TCF25: variants seen among roughly 807,000 people sequenced by gnomAD.
The protein encoded by TCF25 is ribosome quality control complex subunit TCF25.
A neutral mutation model predicts 83.1 loss-of-function variants in TCF25; 41 were observed. The ratio of observed to expected loss-of-function variants is 0.49; its 90% CI spans 0.38 to 0.64. TCF25 has a LOEUF of 0.64. TCF25 is among the 30% of genes least tolerant of loss of function. The pLI is 0.00. For missense variants in TCF25, 979 were observed against 914.5 expected (o/e 1.07, Z -0.91); for synonymous variants, 458 against 365.0 (o/e 1.25, Z -2.90).
At chr16:89,876,811 C>G (rs932267808) in intron 1 of TCF25, among the ~76,000 whole-genome samples, 49 of 152,098 alleles carry the variant, frequency 3.2e-4, no homozygotes, top group African/African-American at 1.2e-3. Flanking sequence ...AGCCTATAGT[C>G]CCAGCTACTC....
At chr16:89,909,869 AT>A (rs2144348421) in intron 16 of TCF25, 1 of 152,672 alleles carries the variant, frequency 6.5e-6, no homozygotes, top group African/African-American at 2.4e-5. Context: ...CAAAAGCCCC[AT>A]GGCCAGACCG....
Position 89,898,643 on chromosome 16 carries a change from T to C in TCF25, c.1109T>C (p.Ile370Thr). The change falls in exon 10 of 18, where the codon ATC (isoleucine) becomes ACC (threonine). Residue 370 changes from isoleucine (I) to threonine (T), a missense_variant. Physicochemically the swap from Ile to Thr is moderately conservative, Grantham distance 89. Transcript: ENST00000263346. ...ACGGCGCTGGAGTACTGCAAGCTCA[T>C]CCTGAGGTGAGTGTCTGCTCAGGGC... ...PRTALEYCKL[I>T]LSLEPDEDPL... 1.9e-6 allele frequency: 3 copies of C among 1,612,906 alleles called. No homozygotes were observed. The highest frequency in any genetic ancestry group is 2.5e-6 in the Non-Finnish European group (3 of 1,180,010).
chr16:89,876,951 A>AG, intron 1 of TCF25, among the ~76,000 whole-genome samples: 1 of 149,928 alleles, frequency 6.7e-6, no homozygotes, highest in Admixed American at 6.6e-5. Context: ...AAAAAAAAAA[A>AG]ATTGGCCAGG....
chr16:89,907,553 C>T (rs865904981), intron 16 of TCF25, among the ~76,000 whole-genome samples: 14 of 117,634 alleles, frequency 1.2e-4, no homozygotes, highest in African/African-American at 4.0e-4. Flanking sequence ...TCTCCCAGCT[C>T]CCAGCTGCCA....
chr16:89,878,487 T>TA, intron 1 of TCF25: 1 of 1,009,584 alleles, frequency 9.9e-7, no homozygotes. Flanking sequence ...CCTCTCCCCC[T>TA]AAAAAAAGAT....
chr16:89,875,678 A>G (rs2143887558), intron 1 of TCF25, among the ~76,000 whole-genome samples: 1 of 150,018 alleles, frequency 6.7e-6, no homozygotes, highest in East Asian at 2.0e-4. Context: ...GCCCGCCACC[A>G]CGCCTGGCTA....
intron 1 of TCF25, chr16:89,878,536 G>C (rs781045484): frequency 8.1e-7 from 1 of 1,232,640 alleles, no homozygotes; most frequent in East Asian, 6.0e-5. Flanking sequence ...TGCTGATCGA[G>C]CTTTATCCTA....
chr16:89,893,268 G>A (rs117905380), intron 6 of TCF25, among the ~76,000 whole-genome samples: 6 of 152,326 alleles, frequency 3.9e-5, no homozygotes, highest in South Asian at 2.1e-4. Flanking sequence ...GTGGTCACAC[G>A]TTACAAAGCT....
chr16:89,903,941 G>A (rs948886532), intron 12 of TCF25, among the ~76,000 whole-genome samples, 177 bp from the exon 13 acceptor site: 3 of 152,162 alleles, frequency 2.0e-5, no homozygotes, highest in Non-Finnish European at 2.9e-5. Context: ...CCCTGGGCAC[G>A]CCAGCAGCAG....
intron 12 of TCF25, among the ~76,000 whole-genome samples, chr16:89,903,451 G>T (rs761004697): frequency 2.6e-5 from 4 of 152,040 alleles, no homozygotes; most frequent in African/African-American, 4.8e-5. Context: ...CAGGAGGATC[G>T]CTTGAGCATA....
At chr16:89,885,729 G>A in intron 3 of TCF25, 119 bp from the exon 4 acceptor site, 1 of 833,068 alleles carries the variant, frequency 1.2e-6, no homozygotes, top group Non-Finnish European at 2.0e-6. Context: ...GACTTATGCT[G>A]TCCTTTAGGA....
At chr16:89,892,155 C>T (rs1329938947) in intron 5 of TCF25, 38 bp from the exon 6 acceptor site, 1 of 1,557,276 alleles carries the variant, frequency 6.4e-7, no homozygotes, top group East Asian at 2.4e-5. Flanking sequence ...CCACACGCCA[C>T]AGGAAGTAAA....
rs373821441 is a variant in TCF25, at chr16:89,892,391, CG to C, written c.697+123del. On this transcript the variant is annotated intron_variant, in intron 6 of 17. Coordinates refer to ENST00000263346, the MANE Select transcript of TCF25 (RefSeq NM_014972.3). ...AGAGGCTGCTGGGGGTGGAGGGCGG[CG>C]GGGGGGTGTGTTCTGTGCACTGGCC... The C allele has an allele frequency of 2.0e-3, 615 of 303,068 alleles. 3 individuals carry two copies. The highest frequency in any genetic ancestry group is 0.011 in the African/African-American group (449 of 42,240). 18.8% of individuals were successfully genotyped at this position (303,068 alleles called of 1,614,324 possible).
chr16:89,908,134 TC>T (rs2045110047), intron 16 of TCF25, among the ~76,000 whole-genome samples: 1 of 63,520 alleles, frequency 1.6e-5, no homozygotes, highest in Non-Finnish European at 3.2e-5. Context: ...TCCTCTCACC[TC>T]CCCTGCCACC....
intron 5 of TCF25, chr16:89,889,663 G>T (rs1404578832): frequency 2.6e-5 from 4 of 154,634 alleles, no homozygotes; most frequent in Non-Finnish European, 5.7e-5. Flanking sequence ...TGATTCTCCT[G>T]CCTCAGCCTC....
rs762052454 is a variant in TCF25, at chr16:89,898,839, C to T, written c.1188C>T (p.Tyr396=). The T allele has an allele frequency of 6.2e-6, 10 of 1,613,762 alleles. No homozygotes were observed. The highest frequency in any genetic ancestry group is 2.2e-5 in the East Asian group (1 of 44,888). ...ACCTGGCCTTGCGGGCCCGGAACTA[C>T]GAGTACCTGATCCGCCTCTTCCAGG... ...IDHLALRARN[Y]EYLIRLFQEW... Residue 396 remains tyrosine (Y), a synonymous_variant, in exon 11 of 18, where the codon TAC becomes TAT. Transcript: ENST00000263346.
At chr16:89,885,286 C>G (rs1288641343) in intron 3 of TCF25, among the ~76,000 whole-genome samples, 3 of 152,152 alleles carry the variant, frequency 2.0e-5, no homozygotes, top group South Asian at 4.1e-4. Context: ...TGTTCCTCGA[C>G]TGGTTGGCGC....
At chr16:89,904,233 G>C in intron 13 of TCF25, 28 bp downstream of exon 13, 1 of 1,550,804 alleles carries the variant, frequency 6.4e-7, no homozygotes, top group Non-Finnish European at 8.7e-7. Context: ...GTGCCCATCT[G>C]TGGGTGCCTG....
rs1275124555 is a variant in TCF25 at position 89,873,788 on chromosome 16, C to A, written c.121C>A (p.Arg41=). 1.9e-6 allele frequency: 3 copies of A among 1,603,286 alleles called. No homozygotes were observed. The highest frequency in any genetic ancestry group is 2.6e-6 in the Non-Finnish European group (3 of 1,175,852). The change falls in exon 1 of 18, where the codon CGG becomes AGG. Residue 41 remains arginine (R), a synonymous_variant. Coordinates refer to ENST00000263346, the MANE Select transcript of TCF25 (RefSeq NM_014972.3). ...TGACGCGGAAGAAGAAGGGCCCAAG[C>A]GGGAGCTTGGTGTCCGGCGTCCCGG... ...DDDAEEEGPK[R]ELGVRRPGGA...
Sources: allele counts gnomAD v4.1 joint callset (sites outside exome capture counted in the v4.1 genomes callset), GRCh38; gene constraint gnomAD v4.1.1; transcripts MANE v1.5; gene names NCBI Gene and HGNC (gene_info 2026-07-23, HGNC 2026-07-21).